The following KANSL1L variants were observed in gnomAD, a reference collection of about 807,000 sequenced individuals.
The protein encoded by KANSL1L is KAT8 regulatory NSL complex subunit 1-like protein.
A neutral mutation model predicts 108.6 loss-of-function variants in KANSL1L; 25 were observed. That is an observed-to-expected ratio of 0.23 (90% CI 0.17 to 0.32). KANSL1L has a LOEUF of 0.32. KANSL1L is among the 10% of genes least tolerant of loss of function. The probability of loss-of-function intolerance (pLI) is 1.00; values close to 1 mark genes in which losing one functional copy is unlikely to be tolerated. For missense variants in KANSL1L, 1,137 were observed against 1,125.7 expected (o/e 1.01, Z -0.14); for synonymous variants, 405 against 395.1 (o/e 1.03, Z -0.30).
chr2:210,046,305 C>G (rs1174897281), intron 6 of KANSL1L, among the ~76,000 whole-genome samples: 2 of 152,096 alleles, frequency 1.3e-5, no homozygotes, highest in Non-Finnish European at 2.9e-5. Context: ...TCCATCCCAG[C>G]AGCCCAAAAA....
chr2:210,142,590 TGTAG>T (rs1298453391), intron 2 of KANSL1L, among the ~76,000 whole-genome samples: 3 of 152,178 alleles, frequency 2.0e-5, no homozygotes, highest in African/African-American at 7.2e-5. Context: ...ACTTTTTCAA[TGTAG>T]GTGTTTATTG....
chr2:210,135,239 C>A (rs758797180), intron 2 of KANSL1L, among the ~76,000 whole-genome samples: 6 of 151,982 alleles, frequency 3.9e-5, no homozygotes, highest in Non-Finnish European at 8.8e-5. Flanking sequence ...CACAGAAACC[C>A]GATATAGAGG....
intron 1 of KANSL1L, among the ~76,000 whole-genome samples, chr2:210,157,416 G>A (rs941194381): frequency 6.6e-6 from 1 of 152,060 alleles, no homozygotes; most frequent in African/African-American, 2.4e-5. Context: ...GAGAAAAGAC[G>A]TGGGTGCAGT....
intron 2 of KANSL1L, among the ~76,000 whole-genome samples, chr2:210,149,326 C>T (rs1032942125): frequency 1.3e-5 from 2 of 152,078 alleles, no homozygotes; most frequent in East Asian, 3.8e-4. Context: ...GAGTAGTACA[C>T]TAATACTCAT....
intron 6 of KANSL1L, among the ~76,000 whole-genome samples, chr2:210,073,284 T>C (rs2094519898): frequency 6.6e-6 from 1 of 152,150 alleles, no homozygotes; most frequent in Non-Finnish European, 1.5e-5. Context: ...GAAAACAAAA[T>C]ATGAGTTCCA....
intron 6 of KANSL1L, among the ~76,000 whole-genome samples, chr2:210,065,528 T>G (rs1438183162): frequency 6.6e-6 from 1 of 150,890 alleles, no homozygotes; most frequent in Non-Finnish European, 1.5e-5. Flanking sequence ...AGACCCTTCA[T>G]TAACACCTCA....
chr2:210,075,612 A>T lies in KANSL1L; in HGVS notation c.1695T>A (p.Leu565=). The T allele has an allele frequency of 6.2e-7, 1 of 1,614,114 alleles. No homozygotes were observed. The highest frequency in any genetic ancestry group is 1.7e-4 in the Middle Eastern group (1 of 6,060). The change falls in exon 6 of 15, where the codon CTT becomes CTA. Residue 565 remains leucine, a synonymous_variant. Transcript: ENST00000281772. ...FMSTSARTRP[L]QSFHKRKLYR... is the part of the protein sequence containing the mutation. Reference sequence around the variant, plus strand: ...ACAGTTTTCGTTTGTGGAAACTCTGAAGTGGCCTTGTTCGGGCTGATGTAC... The same window carrying T: ...ACAGTTTTCGTTTGTGGAAACTCTGTAGTGGCCTTGTTCGGGCTGATGTAC...
chr2:210,130,774 A>G (rs1040388339), intron 2 of KANSL1L, among the ~76,000 whole-genome samples: 1 of 152,178 alleles, frequency 6.6e-6, no homozygotes, highest in African/African-American at 2.4e-5. Flanking sequence ...AGCGCGTAGC[A>G]TTTTACACAG....
chr2:210,082,659 G>A (rs2094599454), intron 5 of KANSL1L, among the ~76,000 whole-genome samples: 1 of 152,142 alleles, frequency 6.6e-6, no homozygotes, highest in African/African-American at 2.4e-5. Context: ...ACACTATGGA[G>A]CCAAGGAAAC....
intron 2 of KANSL1L, among the ~76,000 whole-genome samples, chr2:210,149,543 G>T (rs926486585): frequency 3.3e-5 from 5 of 151,866 alleles, no homozygotes; most frequent in African/African-American, 1.2e-4. Flanking sequence ...TACTCATCTA[G>T]ATTTGAAAAA....
At chr2:210,157,548 AG>A (rs1172669230) in intron 1 of KANSL1L, among the ~76,000 whole-genome samples, 1 of 150,800 alleles carries the variant, frequency 6.6e-6, no homozygotes, top group Non-Finnish European at 1.5e-5. Context: ...AAAATGTCCT[AG>A]GTGTGGCGAC....
At chr2:210,089,447 T>C (rs1346407410) in intron 5 of KANSL1L, among the ~76,000 whole-genome samples, 1 of 152,204 alleles carries the variant, frequency 6.6e-6, no homozygotes, top group Middle Eastern at 3.4e-3. Flanking sequence ...TTTGAAAAAA[T>C]AGAATTCCTT....
intron 6 of KANSL1L, among the ~76,000 whole-genome samples, chr2:210,053,598 CACAA>C (rs373762808): frequency 1.2e-3 from 186 of 152,042 alleles, no homozygotes; most frequent in African/African-American, 4.0e-3. Flanking sequence ...TTCATGTCAA[CACAA>C]ACAAACAGAA....
At chr2:210,134,037 G>C (rs1335823344) in intron 2 of KANSL1L, among the ~76,000 whole-genome samples, 3 of 151,828 alleles carry the variant, frequency 2.0e-5, no homozygotes, top group Non-Finnish European at 4.4e-5. Flanking sequence ...TGTTTCACTG[G>C]GCAGAGAATT....
rs2125102500 is a variant in KANSL1L at position 210,022,081 on chromosome 2, A to G, written c.*868T>C. On this transcript the variant is annotated 3_prime_UTR_variant, in exon 15 of 15. Coordinates refer to ENST00000281772, the MANE Select transcript of KANSL1L (RefSeq NM_152519.4). ...ATTTTAAAACTGGTGTCTTCTCTTCATGAGACACATTAATTGGTAAAACTC... is the reference window on the plus strand; with the variant it reads ...ATTTTAAAACTGGTGTCTTCTCTTCGTGAGACACATTAATTGGTAAAACTC... 1 of 149,074 alleles carries G rather than the reference A, an allele frequency of 6.7e-6. No homozygotes were observed. Among genetic ancestry groups the G allele is most frequent in the East Asian group, 2.0e-4 (1 of 5,108 alleles). 9.2% of individuals were successfully genotyped at this position (149,074 alleles called of 1,614,324 possible).
intron 1 of KANSL1L, among the ~76,000 whole-genome samples, chr2:210,168,987 T>G (rs552407495): frequency 1.3e-5 from 2 of 152,196 alleles, no homozygotes; most frequent in African/African-American, 4.8e-5. Flanking sequence ...CATCACAGAT[T>G]AGAGTGAAAA....
chr2:210,133,089 T>C (rs1055256379), intron 2 of KANSL1L, among the ~76,000 whole-genome samples: 4 of 152,152 alleles, frequency 2.6e-5, no homozygotes, highest in African/African-American at 7.2e-5. Flanking sequence ...TGACATGTAC[T>C]TGTTCATAAT....
intron 3 of KANSL1L, among the ~76,000 whole-genome samples, chr2:210,126,888 C>T (rs2095070848): frequency 6.6e-6 from 1 of 152,054 alleles, no homozygotes; most frequent in African/African-American, 2.4e-5. Flanking sequence ...TACAAAACTA[C>T]AGAAATCAAA....
intron 3 of KANSL1L, among the ~76,000 whole-genome samples, chr2:210,117,051 TA>T (rs1218615916): frequency 1.3e-5 from 2 of 151,980 alleles, no homozygotes; most frequent in African/African-American, 2.4e-5. Flanking sequence ...TTGAAACAGT[TA>T]AAAAGAAACA....
Sources: allele counts gnomAD v4.1 joint callset (sites outside exome capture counted in the v4.1 genomes callset), GRCh38; gene constraint gnomAD v4.1.1; transcripts MANE v1.5; gene names NCBI Gene and HGNC (gene_info 2026-07-23, HGNC 2026-07-21).